Variants in ZFC3H1 observed in about 807,000 individuals in gnomAD.
The protein encoded by ZFC3H1 is zinc finger C3H1 domain-containing protein.
Under a neutral mutation model 243.7 loss-of-function variants are expected in ZFC3H1, and 71 were observed. That is an observed-to-expected ratio of 0.29 (90% CI 0.24 to 0.36). The LOEUF is 0.36. ZFC3H1 is among the 10% of genes least tolerant of loss of function. The pLI, the probability that ZFC3H1 is intolerant of heterozygous loss-of-function variation, is 1.00. For synonymous variants in ZFC3H1, 838 were observed against 813.0 expected, an observed-to-expected ratio of 1.03 and a Z score of -0.52; for missense variants, 1,966 against 2,317.1, an observed-to-expected ratio of 0.85 and a Z score of 3.11.
Position 71,614,863 on chromosome 12 carries a change from T to A in ZFC3H1, c.5331A>T (p.Arg1777Ser), listed in dbSNP as rs781322516. 8 of 1,613,680 alleles carry A rather than the reference T, an allele frequency of 5.0e-6. No individual in the cohort carries two copies. Among genetic ancestry groups the A allele is most frequent in the Non-Finnish European group, 5.9e-6 (7 of 1,179,760 alleles). The part of the protein sequence containing the change: ...AYEAALGVAM[R>S]CDIVQKIWMD... ...TCCATATCTTCTGTACTATATCACA[T>A]CTCATAGCCACCCCTAATGCTGCCT... is the stretch of plus-strand genomic sequence containing the variant. Residue 1777 changes from arginine to serine, a missense_variant, in exon 29 of 35, where the codon AGA becomes AGT. By Grantham distance (110) the Arg-to-Ser change is moderately radical. This residue lies in a region of ZFC3H1 where 1,383 missense variants were observed against 1,723.7 expected (regional missense o/e 0.80). Transcript: ENST00000378743.
At chr12:71,620,794 C>T (rs1232925056) in intron 24 of ZFC3H1, among the ~76,000 whole-genome samples, 1 of 152,156 alleles carries the variant, frequency 6.6e-6, no homozygotes, top group African/African-American at 2.4e-5. Flanking sequence ...GTAAAGAGTT[C>T]TTTCTTGATC....
At position 71,657,019 on chromosome 12, in the gene ZFC3H1, T is replaced by C. The variant is rs1665265100; in HGVS notation, c.881A>G (p.Lys294Arg). 6.2e-7 allele frequency: 1 copy of C among 1,613,818 alleles called. No individual in the cohort carries two copies. The highest frequency in any genetic ancestry group is 1.3e-5 in the African/African-American group (1 of 74,928). The change falls in exon 2 of 35, where the codon AAA becomes AGA. Residue 294 changes from lysine (K) to arginine (R), a missense_variant. Transcript: ENST00000378743. The stretch of plus-strand genomic sequence containing the variant: ...TTTTAATTCAAATGCCTGAAAAGTT[T>C]TGACTTGTGTTTTCTCCTCAGGAGC... ...EVAPEEKTQV[K>R]TFQAFELKPL...
chr12:71,622,906 T>C (rs1451324324), intron 24 of ZFC3H1, among the ~76,000 whole-genome samples: 1 of 152,180 alleles, frequency 6.6e-6, no homozygotes, highest in Non-Finnish European at 1.5e-5. Context: ...TTATATCTTG[T>C]AATGTGTTCC....
At chr12:71,638,609 T>G (rs1880525781) in intron 6 of ZFC3H1, 94 bp from the exon 7 acceptor site, 21 of 1,017,070 alleles carry the variant, frequency 2.1e-5, no homozygotes, top group Non-Finnish European at 3.0e-5. Context: ...TACATCTAGG[T>G]GGAGTGCAAA....
At chr12:71,651,458 T>G (rs1180267868) in intron 2 of ZFC3H1, among the ~76,000 whole-genome samples, 1 of 152,154 alleles carries the variant, frequency 6.6e-6, no homozygotes, top group Non-Finnish European at 1.5e-5. Context: ...CATGAAAACA[T>G]AAGTGACTAT....
Position 71,656,856 on chromosome 12 carries a change from T to C in ZFC3H1, c.1015+29A>G, listed in dbSNP as rs1227831780. On this transcript the variant is annotated intron_variant, in intron 2 of 34. Coordinates refer to ENST00000378743, the MANE Select transcript of ZFC3H1 (RefSeq NM_144982.5). ...TACTACTTTAGAGGAAGAAGAGTCATTACTAACTGAAATATTTAATTCCAT... is the reference window on the plus strand; with the variant it reads ...TACTACTTTAGAGGAAGAAGAGTCACTACTAACTGAAATATTTAATTCCAT... 6 of 1,574,900 alleles carry C rather than the reference T, an allele frequency of 3.8e-6. No homozygotes were observed. In the Admixed American group the frequency reaches 7.4e-5, roughly 19 times the overall value.
At position 71,638,464 on chromosome 12, in the gene ZFC3H1, A is replaced by T. The variant is rs1269359477; in HGVS notation, c.1679T>A (p.Phe560Tyr). ...PFFSECSLGYFSPAPSLSLPP... is the reference protein window; with the variant it reads ...PFFSECSLGYYSPAPSLSLPP... Reference sequence around the variant, plus strand: ...CAAAGAAAGAGATGGTGCTGGAGAAAAATACCCCAATGAACATTCAGAGAA... The same window carrying T: ...CAAAGAAAGAGATGGTGCTGGAGAATAATACCCCAATGAACATTCAGAGAA... Residue 560 changes from phenylalanine (F) to tyrosine (Y), a missense_variant, in exon 7 of 35, where the codon TTT becomes TAT. Around this residue, in one of 4 missense-constraint regions of ZFC3H1, gnomAD observed 1,383 missense variants for 1,723.7 expected, o/e 0.80. Coordinates refer to ENST00000378743, the MANE Select transcript of ZFC3H1 (RefSeq NM_144982.5). The T allele has an allele frequency of 2.5e-6, 4 of 1,613,092 alleles. No individual in the cohort carries two copies. Among genetic ancestry groups the T allele is most frequent in the Non-Finnish European group, 3.4e-6 (4 of 1,179,728 alleles).
At chr12:71,631,691 T>C in intron 16 of ZFC3H1, 87 bp downstream of exon 16, 3 of 1,202,502 alleles carry the variant, frequency 2.5e-6, no homozygotes, top group Non-Finnish European at 3.5e-6. Flanking sequence ...TCAATTGCTT[T>C]TTCATTATCA....
intron 29 of ZFC3H1, 36 bp from the exon 30 acceptor site, chr12:71,614,736 A>C: frequency 6.3e-7 from 1 of 1,594,172 alleles, no homozygotes; most frequent in Non-Finnish European, 8.5e-7. Flanking sequence ...TAGAATAACT[A>C]AGACAGTAGT....
chr12:71,663,157 G>A lies in ZFC3H1; in HGVS notation c.454C>T (p.Arg152Trp). The A allele has an allele frequency of 1.2e-5, 20 of 1,614,032 alleles. No homozygotes were observed. Among genetic ancestry groups the A allele is most frequent in the East Asian group, 2.2e-5 (1 of 44,872 alleles). Residue 152 changes from arginine to tryptophan, a missense_variant, in exon 1 of 35, where the codon CGG becomes TGG. By Grantham distance (101) the Arg-to-Trp change is moderately radical. Coordinates refer to ENST00000378743, the MANE Select transcript of ZFC3H1 (RefSeq NM_144982.5). The part of the protein sequence containing the change: ...DRFRFRGRPY[R>W]GGSRWSRGRG... ...CCCCGACTCCAGCGACTCCCACCCC[G>A]GTAAGGCCTGCCTCGAAAGCGGAAA...
At position 71,656,970 on chromosome 12, in the gene ZFC3H1, T is replaced by C. The variant is rs1881036092; in HGVS notation, c.930A>G (p.Leu310=). 2 of 1,613,968 alleles carry C rather than the reference T, an allele frequency of 1.2e-6. No individual in the cohort carries two copies. The highest frequency in any genetic ancestry group is 1.7e-6 in the Non-Finnish European group (2 of 1,179,922). Residue 310 remains leucine (L), a synonymous_variant, in exon 2 of 35, where the codon TTA becomes TTG. Coordinates refer to ENST00000378743, the MANE Select transcript of ZFC3H1 (RefSeq NM_144982.5). ...TTTTCAAACGGTTCTTATCTCCTGG[T>C]AAAGTCAATTTTTGCCTGAGTGGTT... is the stretch of plus-strand genomic sequence containing the variant. ...ELKPLRQKLT[L]PGDKNRLKKV...
chr12:71,610,404 C>A lies in ZFC3H1; in HGVS notation c.*24G>T. On this transcript the variant is annotated 3_prime_UTR_variant, in exon 35 of 35. Transcript: ENST00000378743. ...ATAATTTTGGCAATTATTATAAGGA[C>A]TTAGAACTGACTGCACCCAGTGTTC... 6.2e-7 allele frequency: 1 copy of A among 1,609,322 alleles called. No individual in the cohort carries two copies. Among genetic ancestry groups the A allele is most frequent in the Non-Finnish European group, 8.5e-7 (1 of 1,177,860 alleles).
chr12:71,613,256 T>C, intron 31 of ZFC3H1, 79 bp downstream of exon 31: 1 of 1,019,516 alleles, frequency 9.8e-7, no homozygotes, highest in East Asian at 2.7e-5. Flanking sequence ...ACTATTTTTA[T>C]CAAGTTTTCA....
chr12:71,613,225 G>T, intron 31 of ZFC3H1, 110 bp downstream of exon 31: 1 of 676,420 alleles, frequency 1.5e-6, no homozygotes, highest in Non-Finnish European at 2.3e-6. Context: ...ATATATTCAT[G>T]AGGACATAGT....
intron 30 of ZFC3H1, 121 bp from the exon 31 acceptor site, chr12:71,613,556 G>A: frequency 1.8e-6 from 1 of 570,212 alleles, no homozygotes. Flanking sequence ...TTATAATAAT[G>A]TATGATGTTG....
At chr12:71,648,219 A>G (rs968568829) in intron 2 of ZFC3H1, among the ~76,000 whole-genome samples, 1 of 152,222 alleles carries the variant, frequency 6.6e-6, no homozygotes, top group African/African-American at 2.4e-5. Flanking sequence ...AATGAATGCA[A>G]TGTTTACAGA....
intron 2 of ZFC3H1, among the ~76,000 whole-genome samples, chr12:71,652,783 C>T (rs1408117964): frequency 1.3e-5 from 2 of 152,124 alleles, no homozygotes; most frequent in Non-Finnish European, 2.9e-5. Flanking sequence ...AGGCATCTCC[C>T]TGAGAATGTG....
At chr12:71,625,669 G>A (rs1880146546) in intron 22 of ZFC3H1, among the ~76,000 whole-genome samples, 1 of 152,176 alleles carries the variant, frequency 6.6e-6, no homozygotes. Context: ...CAGCCTGGGT[G>A]ACATAGAGAG....
intron 13 of ZFC3H1, 55 bp downstream of exon 13, chr12:71,633,209 T>C: frequency 6.7e-7 from 1 of 1,495,076 alleles, no homozygotes; most frequent in South Asian, 1.4e-5. Context: ...TACAGAAAAT[T>C]TGGCCTATAA....
Sources: allele counts gnomAD v4.1 joint callset (sites outside exome capture counted in the v4.1 genomes callset), GRCh38; gene constraint gnomAD v4.1.1; regional missense constraint gnomAD v4.1.1; transcripts MANE v1.5; gene names NCBI Gene and HGNC (gene_info 2026-07-23, HGNC 2026-07-21).